Variants in ZNRF3 observed in about 807,000 individuals in gnomAD.
ZNRF3 encodes E3 ubiquitin-protein ligase ZNRF3.
ZNRF3 carries 23 observed loss-of-function variants against 72.5 expected under a neutral mutation model. The observed-to-expected ratio is 0.32, with a 90% CI of 0.23 to 0.45. The LOEUF (loss-of-function observed/expected upper bound fraction) is 0.45, where lower values mean the gene tolerates loss of function less well. Ranked by LOEUF, ZNRF3 falls within the 20% of genes least tolerant of loss-of-function variation. The pLI, the probability that ZNRF3 is intolerant of heterozygous loss-of-function variation, is 1.00. For synonymous variants in ZNRF3, 610 were observed against 545.3 expected, an observed-to-expected ratio of 1.12 and a Z score of -1.65; for missense variants, 1,169 against 1,272.1, an observed-to-expected ratio of 0.92 and a Z score of 1.23.
chr22:28,914,448 ATTC>A (rs1297150436), intron 1 of ZNRF3, among the ~76,000 whole-genome samples: 8 of 149,112 alleles, frequency 5.4e-5, no homozygotes, highest in Non-Finnish European at 1.2e-4. Flanking sequence ...AGGAGTTTAA[ATTC>A]TTCTCCAAAT....
chr22:28,994,649 G>A (rs1006749334), intron 2 of ZNRF3, among the ~76,000 whole-genome samples: 3 of 152,010 alleles, frequency 2.0e-5, no homozygotes, highest in Non-Finnish European at 4.4e-5. Context: ...CTGGAGATGA[G>A]TGGTGGTCAT....
chr22:28,885,090 G>C (rs2033753650), intron 1 of ZNRF3, among the ~76,000 whole-genome samples: 1 of 152,164 alleles, frequency 6.6e-6, no homozygotes, highest in Admixed American at 6.5e-5. Context: ...AGCTTTGTGG[G>C]CCTTCTGTGC....
At chr22:28,938,209 A>G (rs1281894726) in intron 1 of ZNRF3, among the ~76,000 whole-genome samples, 1 of 151,834 alleles carries the variant, frequency 6.6e-6, no homozygotes, top group African/African-American at 2.4e-5. Context: ...ACACCCATCC[A>G]TCTTATTTTA....
chr22:28,986,714 G>A (rs978092583), intron 1 of ZNRF3: 3 of 892,298 alleles, frequency 3.4e-6, no homozygotes, highest in Admixed American at 6.2e-5. Context: ...AGTCTCGTCT[G>A]TAATTGCTAC....
intron 1 of ZNRF3, among the ~76,000 whole-genome samples, chr22:28,979,958 AG>A (rs1407164278): frequency 7.2e-5 from 11 of 152,392 alleles, no homozygotes; most frequent in African/African-American, 2.4e-4. Flanking sequence ...TGAAGGGCAA[AG>A]CATTCAAGGC....
intron 1 of ZNRF3, among the ~76,000 whole-genome samples, chr22:28,896,577 C>G (rs1375720164): frequency 6.6e-6 from 1 of 152,182 alleles, no homozygotes; most frequent in Non-Finnish European, 1.5e-5. Context: ...GAATGCTTTT[C>G]TTTGTACCTA....
At position 29,050,872 on chromosome 22, in the gene ZNRF3, G is replaced by C. The variant is rs550847574; in HGVS notation, c.2691G>C (p.Ala897=). 6.3e-7 allele frequency: 1 copy of C among 1,594,378 alleles called. No homozygotes were observed. ...GGCCTGGCTGCCCTCCGGAGGAGGC[G>C]GGTGCTGTCAGGGCCAACTTCCCTA... ...LLRPGCPPEE[A]GAVRANFPSA... is the part of the protein sequence containing the mutation. The change falls in exon 8 of 9, where the codon GCG becomes GCC. Residue 897 remains alanine (A), a synonymous_variant. Coordinates refer to ENST00000544604, the MANE Select transcript of ZNRF3 (RefSeq NM_001206998.2).
intron 1 of ZNRF3, among the ~76,000 whole-genome samples, chr22:28,926,809 AAAAAG>A (rs1264819108): frequency 6.6e-6 from 1 of 151,558 alleles, no homozygotes; most frequent in African/African-American, 2.4e-5. Context: ...AAAAAAAAAA[AAAAAG>A]AAAAGAAAAG....
chr22:28,986,445 C>T (rs1425279201), intron 1 of ZNRF3, among the ~76,000 whole-genome samples: 1 of 152,192 alleles, frequency 6.6e-6, no homozygotes, highest in Non-Finnish European at 1.5e-5. Flanking sequence ...GGTTTGACTG[C>T]ACTTTCACAC....
intron 1 of ZNRF3, among the ~76,000 whole-genome samples, chr22:28,918,356 A>C (rs763456054): frequency 6.6e-5 from 10 of 152,082 alleles, no homozygotes; most frequent in Non-Finnish European, 1.5e-4. Flanking sequence ...GCTTGAATGC[A>C]TTTCTCTTCC....
chr22:28,885,930 C>CAA (rs5844826), intron 1 of ZNRF3, among the ~76,000 whole-genome samples: 9 of 126,622 alleles, frequency 7.1e-5, no homozygotes, highest in South Asian at 2.3e-4. Context: ...TTAGCCTAGC[C>CAA]AAAAAAAAAA....
At chr22:28,968,452 G>A (rs2035513475) in intron 1 of ZNRF3, among the ~76,000 whole-genome samples, 1 of 152,146 alleles carries the variant, frequency 6.6e-6, no homozygotes, top group South Asian at 2.1e-4. Flanking sequence ...GCTCAAACCT[G>A]TAATCCCAGC....
In ZNRF3 at chr22:29,049,918, G is replaced by A. The variant is rs199959219; in HGVS notation, c.1737G>A (p.Val579=). The A allele has an allele frequency of 7.8e-5, 125 of 1,607,142 alleles. No homozygotes were observed. The African/African-American group carries it at 1.4e-3, about 19-fold the overall frequency. ...VDCTEVSNQG[V]YGSCSTFRSS... Reference sequence around the variant, plus strand: ...GCACTGAGGTCAGCAACCAGGGCGTGTACGGGAGCTGCTCCACCTTCCGCA... The same window carrying A: ...GCACTGAGGTCAGCAACCAGGGCGTATACGGGAGCTGCTCCACCTTCCGCA... The change falls in exon 8 of 9, where the codon GTG becomes GTA. Residue 579 remains valine, a synonymous_variant. Coordinates refer to ENST00000544604, the MANE Select transcript of ZNRF3 (RefSeq NM_001206998.2). This position sits in a 1 kb window ranked among gnomAD's most constrained non-coding sequence, Gnocchi z 5.2.
intron 2 of ZNRF3, among the ~76,000 whole-genome samples, chr22:29,014,620 G>C (rs909238294): frequency 6.6e-6 from 1 of 152,218 alleles, no homozygotes; most frequent in African/African-American, 2.4e-5. Context: ...TACAGACTCT[G>C]TTTTTGGAAT....
intron 1 of ZNRF3, among the ~76,000 whole-genome samples, chr22:28,969,865 G>A (rs2035538881): frequency 6.6e-6 from 1 of 152,190 alleles, no homozygotes; most frequent in Admixed American, 6.5e-5. Context: ...TTGGTACAGG[G>A]TGGAAGCAGG....
chr22:28,964,281 G>C (rs2035419833), intron 1 of ZNRF3, among the ~76,000 whole-genome samples: 1 of 152,218 alleles, frequency 6.6e-6, no homozygotes, highest in Non-Finnish European at 1.5e-5. Flanking sequence ...ACACAAAAAA[G>C]TATATTCAGT....
intron 1 of ZNRF3, among the ~76,000 whole-genome samples, chr22:28,981,883 G>A (rs1028252998): frequency 1.3e-5 from 2 of 152,110 alleles, no homozygotes; most frequent in African/African-American, 4.8e-5. Context: ...TCTAATCCCA[G>A]CTACTCAAGA....
At chr22:28,939,792 G>A (rs1300908902) in intron 1 of ZNRF3, among the ~76,000 whole-genome samples, 1 of 152,054 alleles carries the variant, frequency 6.6e-6, no homozygotes, top group Non-Finnish European at 1.5e-5. Flanking sequence ...CCCAAGTCAG[G>A]TGGAGCTTAC....
chr22:28,895,452 G>C (rs2033973842), intron 1 of ZNRF3, among the ~76,000 whole-genome samples: 1 of 152,178 alleles, frequency 6.6e-6, no homozygotes, highest in African/African-American at 2.4e-5. Context: ...GGCTGAGGCG[G>C]GTGGATCACG....
Sources: allele counts gnomAD v4.1 joint callset (sites outside exome capture counted in the v4.1 genomes callset), GRCh38; gene constraint gnomAD v4.1.1; non-coding constraint Gnocchi (gnomAD v3.1); transcripts MANE v1.5; gene names NCBI Gene and HGNC (gene_info 2026-07-23, HGNC 2026-07-21).